The following DCAF4 variants were observed in gnomAD, a reference collection of about 807,000 sequenced individuals.
The protein encoded by DCAF4 is DDB1- and CUL4-associated factor 4.
In DCAF4, 37 loss-of-function variants were observed where a neutral mutation model predicts 60.9. That is an observed-to-expected ratio of 0.61 (90% CI 0.47 to 0.80). The LOEUF (loss-of-function observed/expected upper bound fraction) is 0.80. Among genes scored for constraint, DCAF4 ranks in the 30% least tolerant of loss-of-function variants. The pLI, the probability that DCAF4 is intolerant of heterozygous loss-of-function variation, is 0.00. For synonymous variants in DCAF4, 243 were observed against 254.8 expected (o/e 0.95, Z 0.44); for missense variants, 577 against 650.0 (o/e 0.89, Z 1.22).
rs1165349775 is a variant in DCAF4 at position 72,951,727 on chromosome 14, G to A, written c.729-71G>A. 9 of 1,484,194 alleles carry A rather than the reference G, an allele frequency of 6.1e-6. No homozygotes were observed. In the African/African-American group the frequency reaches 1.2e-4, roughly 21 times the overall value. The allele number at this position is 1,484,194 out of a possible 1,614,324, so 91.9% of individuals were successfully genotyped here. On this transcript the variant is annotated intron_variant, in intron 8 of 13. Transcript: ENST00000358377. ...TAGGTTGTGTGCCGTATGACTTTCTGAAGGGTAAATGTCCATGCCTCCTCC... is the reference window on the plus strand; with the variant it reads ...TAGGTTGTGTGCCGTATGACTTTCTAAAGGGTAAATGTCCATGCCTCCTCC...
rs763685990 is a variant in DCAF4 at position 72,954,172 on chromosome 14, C to T, written c.817C>T (p.Arg273Trp). 1.4e-5 allele frequency: 23 copies of T among 1,614,010 alleles called. No homozygotes were observed. Among genetic ancestry groups the T allele is most frequent in the Admixed American group, 3.3e-5 (2 of 59,996 alleles). Residue 273 changes from arginine (R) to tryptophan (W), a missense_variant, in exon 10 of 14, where the codon CGG (arginine) becomes TGG (tryptophan). Transcript: ENST00000358377. The part of the protein sequence containing the change: ...LFVNSHPGID[R>W]PGMLCSFRIP... ...TCCTATCCCCTTAGCAGGAATAGAC[C>T]GGCCTGGCATGCTCTGCAGTTTCCG...
chr14:72,946,133 C>G (rs1158786877), intron 7 of DCAF4, 106 bp downstream of exon 7: 4 of 1,377,886 alleles, frequency 2.9e-6, no homozygotes, highest in Non-Finnish European at 4.0e-6. Flanking sequence ...AGCATACTTA[C>G]CTCATTTTTC....
intron 9 of DCAF4, among the ~76,000 whole-genome samples, chr14:72,952,117 G>A (rs1027325781): frequency 2.6e-5 from 4 of 152,144 alleles, no homozygotes; most frequent in Admixed American, 6.5e-5. Flanking sequence ...GTAAACCAGC[G>A]TGAGCTCAGA....
At chr14:72,937,839 G>A in intron 1 of DCAF4, 132 bp from the exon 2 acceptor site, 2 of 1,356,240 alleles carry the variant, frequency 1.5e-6, no homozygotes, top group South Asian at 1.7e-5. Flanking sequence ...GCTTGCTGTG[G>A]CAAATCTGAT....
chr14:72,943,882 G>A (rs1450694581), intron 6 of DCAF4, among the ~76,000 whole-genome samples: 1 of 152,172 alleles, frequency 6.6e-6, no homozygotes, highest in African/African-American at 2.4e-5. Context: ...GACCCTGGAG[G>A]TTGATACTGC....
At chr14:72,931,985 C>CTTTTTT (rs1567294693) in intron 1 of DCAF4, among the ~76,000 whole-genome samples, 2 of 139,162 alleles carry the variant, frequency 1.4e-5, no homozygotes, top group Non-Finnish European at 3.1e-5. Flanking sequence ...TATATTTTTC[C>CTTTTTT]TTCTTTTTTT....
intron 6 of DCAF4, among the ~76,000 whole-genome samples, chr14:72,944,104 G>A (rs1255221806): frequency 1.3e-5 from 2 of 152,160 alleles, no homozygotes; most frequent in Admixed American, 6.5e-5. Flanking sequence ...TCATTGGTGT[G>A]TGGGGTCTGG....
intron 3 of DCAF4, 71 bp downstream of exon 3, chr14:72,939,973 G>T: frequency 7.0e-7 from 1 of 1,426,184 alleles, no homozygotes; most frequent in Non-Finnish European, 9.5e-7. Flanking sequence ...TCCTGGCTTG[G>T]AAGGAATTCC....
chr14:72,942,025 G>A lies in DCAF4; in HGVS notation c.431+201G>A, dbSNP rs945547713. 36 of 530,208 alleles carry A rather than the reference G, an allele frequency of 6.8e-5. No individual in the cohort carries two copies. In the Middle Eastern group the frequency reaches 1.4e-3, roughly 20 times the overall value. 32.8% of individuals were successfully genotyped at this position (530,208 alleles called of 1,614,324 possible). ...AGCTGTTCTCTCTAGAGCGAAGGCGGGGGACTCTTGCAGGAGGATAGGGAG... is the reference window on the plus strand; with the variant it reads ...AGCTGTTCTCTCTAGAGCGAAGGCGAGGGACTCTTGCAGGAGGATAGGGAG... On this transcript the variant is annotated intron_variant, in intron 5 of 13. Coordinates refer to ENST00000358377, the MANE Select transcript of DCAF4 (RefSeq NM_015604.4).
intron 13 of DCAF4, 110 bp downstream of exon 13, chr14:72,956,610 C>T: frequency 1.9e-6 from 2 of 1,035,748 alleles, no homozygotes; most frequent in African/African-American, 1.6e-5. Flanking sequence ...AGAACTGAAT[C>T]AAGGGGAGTG....
intron 8 of DCAF4, among the ~76,000 whole-genome samples, chr14:72,947,802 G>A (rs1040817345): frequency 6.6e-6 from 1 of 152,156 alleles, no homozygotes; most frequent in African/African-American, 2.4e-5. Flanking sequence ...GCTTTTTAGA[G>A]CACTCATCAC....
chr14:72,945,967 T>C lies in DCAF4; in HGVS notation c.618T>C (p.Ser206=). The C allele has an allele frequency of 6.2e-7, 1 of 1,614,100 alleles. No homozygotes were observed. Among genetic ancestry groups the C allele is most frequent in the South Asian group, 1.1e-5 (1 of 91,080 alleles). ...AGTATGGTATCATCAACCTGCAAAG[T>C]CTGAAGACCCCTACGCTCAAGGTGT... is the stretch of plus-strand genomic sequence containing the variant. ...GSKYGIINLQ[S]LKTPTLKVFM... The change falls in exon 7 of 14, where the codon AGT becomes AGC. Residue 206 remains serine (S), a synonymous_variant. Coordinates refer to ENST00000358377, the MANE Select transcript of DCAF4 (RefSeq NM_015604.4).
intron 8 of DCAF4, among the ~76,000 whole-genome samples, chr14:72,947,803 C>T (rs1436564749): frequency 1.3e-5 from 2 of 152,172 alleles, no homozygotes; most frequent in Non-Finnish European, 2.9e-5. Flanking sequence ...CTTTTTAGAG[C>T]ACTCATCACA....
chr14:72,959,876 GCAGCAGTAGAACA>G (rs1178528530), downstream of DCAF4, among the ~76,000 whole-genome samples: 1 of 152,236 alleles, frequency 6.6e-6, no homozygotes, highest in Non-Finnish European at 1.5e-5. Context: ...CCAGTGGGAA[GCAGCAGTAGAACA>G]CAGAGGGCAA....
downstream of DCAF4, chr14:72,960,882 CTT>C (rs376184952): frequency 1.6e-4 from 23 of 145,750 alleles, no homozygotes; most frequent in Non-Finnish European, 2.4e-4. Context: ...CCCCCCCCAC[CTT>C]TTTTTTTTTT....
At chr14:72,939,557 GAAGAT>G (rs527795649) in intron 2 of DCAF4, among the ~76,000 whole-genome samples, 8 of 152,284 alleles carry the variant, frequency 5.3e-5, no homozygotes, top group South Asian at 2.1e-4. Flanking sequence ...GCGCGAGTGA[GAAGAT>G]AAGAAGAGGG....
chr14:72,943,770 G>A (rs942718335), intron 6 of DCAF4, among the ~76,000 whole-genome samples: 1 of 152,172 alleles, frequency 6.6e-6, no homozygotes, highest in Non-Finnish European at 1.5e-5. Context: ...TATCCTTCCT[G>A]GAGGCTGAGG....
downstream of DCAF4, chr14:72,961,857 C>G: frequency 3.7e-6 from 4 of 1,085,888 alleles, no homozygotes; most frequent in Non-Finnish European, 4.6e-6. Flanking sequence ...CAAGGGCATC[C>G]TCTCCAGCAG....
intron 1 of DCAF4, chr14:72,929,938 G>A (rs772570032): frequency 6.2e-5 from 61 of 988,694 alleles, no homozygotes; most frequent in Non-Finnish European, 8.7e-5. Context: ...CATGGCTGCT[G>A]CTCTCCATGG....
Sources: gnomAD v4.1 joint callset for allele counts (sites outside exome capture counted in the v4.1 genomes callset) on GRCh38, gnomAD v4.1.1 for gene constraint, MANE v1.5 for transcripts, NCBI Gene and HGNC (gene_info 2026-07-23, HGNC 2026-07-21) for gene names.